SETD9: variants seen among roughly 807,000 people sequenced by gnomAD.
SETD9 encodes SET domain-containing protein 9.
Under a neutral mutation model 36.4 loss-of-function variants are expected in SETD9, and 37 were observed. The observed-to-expected ratio is 1.02, with a 90% CI of 0.78 to 1.34. The LOEUF is 1.34. SETD9 is among the 40% of genes most tolerant of loss of function. The probability of loss-of-function intolerance (pLI) is 0.00; values close to 1 mark genes in which losing one functional copy is unlikely to be tolerated. For missense variants in SETD9, 323 were observed against 353.2 expected, an observed-to-expected ratio of 0.91 and a Z score of 0.69; for synonymous variants, 128 against 132.9, an observed-to-expected ratio of 0.96 and a Z score of 0.26.
upstream of SETD9, chr5:56,909,425 C>T: frequency 2.3e-6 from 1 of 440,870 alleles, no homozygotes; most frequent in South Asian, 4.7e-5. Context: ...GTCAAGGGGA[C>T]CTCCTTCCAG....
At chr5:56,923,398 A>G in intron 5 of SETD9, 1 of 1,614,186 alleles carries the variant, frequency 6.2e-7, no homozygotes. Flanking sequence ...GCTCCGAGTG[A>G]TAAAATCCAG....
intron 1 of SETD9, chr5:56,910,405 CCGGCG>C: frequency 7.7e-7 from 1 of 1,303,670 alleles, no homozygotes; most frequent in African/African-American, 1.5e-5. Flanking sequence ...GTGAGTCCCG[CCGGCG>C]TTATTAAGGG....
intron 1 of SETD9, chr5:56,910,409 C>T: frequency 7.7e-7 from 1 of 1,303,404 alleles, no homozygotes; most frequent in Middle Eastern, 2.1e-4. Flanking sequence ...GTCCCGCCGG[C>T]GTTATTAAGG....
intron 5 of SETD9, among the ~76,000 whole-genome samples, chr5:56,915,991 T>A (rs1345125967): frequency 6.6e-6 from 1 of 151,556 alleles, no homozygotes; most frequent in African/African-American, 2.4e-5. Context: ...AACCAAAAAC[T>A]TGATAACTTT....
At chr5:56,911,690 A>G in intron 2 of SETD9, 154 bp downstream of exon 2, 1 of 779,686 alleles carries the variant, frequency 1.3e-6, no homozygotes, top group Non-Finnish European at 1.9e-6. Context: ...TCGGAAATTA[A>G]CTGTTTGTAA....
exon 6 of SETD9, chr5:56,925,380 C>T (rs976606768): frequency 2.9e-5 from 13 of 451,806 alleles, no homozygotes; most frequent in African/African-American, 1.6e-4. Flanking sequence ...AACAAAAAAT[C>T]GCCTGTAACT....
chr5:56,927,979 T>C (rs1013237438), downstream of SETD9: 9 of 152,198 alleles, frequency 5.9e-5, no homozygotes, highest in African/African-American at 1.9e-4. Flanking sequence ...ATAGAGTCTT[T>C]TCAGATTGGC....
At chr5:56,925,387 A>T in exon 6 of SETD9, 1 of 452,116 alleles carries the variant, frequency 2.2e-6, no homozygotes, top group South Asian at 1.6e-5. Flanking sequence ...AATCGCCTGT[A>T]ACTAATAAGC....
At position 56,917,262 on chromosome 5, in the gene SETD9, T is replaced by C. The variant is rs1749477282; in HGVS notation, c.*360T>C. 5.8e-6 allele frequency: 6 copies of C among 1,033,152 alleles called. No homozygotes were observed. The highest frequency in any genetic ancestry group is 2.1e-4 in the East Asian group (2 of 9,438). 64.0% of individuals were successfully genotyped at this position (1,033,152 alleles called of 1,614,324 possible). ...TGTAGCCAGGCATCAGCAGTTCTTG[T>C]AGTACTGCTGATGTGTACAAACTTC... On this transcript the variant is annotated 3_prime_UTR_variant, in exon 6 of 6. Coordinates refer to ENST00000285947, the MANE Select transcript of SETD9 (RefSeq NM_153706.4).
At chr5:56,926,008 TC>T (rs1360461344), downstream of SETD9, among the ~76,000 whole-genome samples, 2 of 151,982 alleles carry the variant, frequency 1.3e-5, no homozygotes, top group Non-Finnish European at 2.9e-5. Flanking sequence ...GAATGTCTTT[TC>T]CACAAATGAT....
At chr5:56,927,576 AGTTTTT>A (rs748285006), downstream of SETD9, among the ~76,000 whole-genome samples, 107 of 152,326 alleles carry the variant, frequency 7.0e-4, no homozygotes, top group Non-Finnish European at 1.1e-3. Flanking sequence ...AATAGACTTT[AGTTTTT>A]AAGAGTAGTT....
chr5:56,910,672 G>A (rs996805538), intron 1 of SETD9: 2 of 257,916 alleles, frequency 7.8e-6, no homozygotes, highest in African/African-American at 4.7e-5. Context: ...GAAGACGTTA[G>A]TCGTCCTGGA....
At chr5:56,910,654 C>A in intron 1 of SETD9, 1 of 258,916 alleles carries the variant, frequency 3.9e-6, no homozygotes, top group African/African-American at 2.3e-5. Flanking sequence ...ATAAGAGGTG[C>A]AGTCATTGAA....
chr5:56,919,404 G>C (rs992873004), downstream of SETD9, among the ~76,000 whole-genome samples: 1 of 151,756 alleles, frequency 6.6e-6, no homozygotes, highest in Non-Finnish European at 1.5e-5. Flanking sequence ...GATTACAGGG[G>C]GACTTTTATT....
chr5:56,911,626 G>C, intron 2 of SETD9, 90 bp downstream of exon 2: 1 of 1,324,076 alleles, frequency 7.6e-7, no homozygotes, highest in African/African-American at 1.5e-5. Flanking sequence ...GCAATCCTTA[G>C]AGTAAGGGAT....
chr5:56,922,079 A>G (rs533885142), downstream of SETD9: 3 of 152,658 alleles, frequency 2.0e-5, no homozygotes, highest in African/African-American at 7.2e-5. Flanking sequence ...AAGCTTAAAT[A>G]TACTTCAAGG....
intron 5 of SETD9, chr5:56,923,182 A>G: frequency 6.2e-7 from 1 of 1,614,022 alleles, no homozygotes; most frequent in Non-Finnish European, 8.5e-7. Context: ...TGATGAAACC[A>G]TTGGTCTCGT....
downstream of SETD9, among the ~76,000 whole-genome samples, chr5:56,927,060 T>C (rs956181302): frequency 6.6e-6 from 1 of 151,996 alleles, no homozygotes; most frequent in East Asian, 1.9e-4. Context: ...AATAAAAAGA[T>C]CAATGGCTGC....
At chr5:56,911,678 A>T in intron 2 of SETD9, 142 bp downstream of exon 2, 1 of 884,214 alleles carries the variant, frequency 1.1e-6, no homozygotes, top group Non-Finnish European at 1.6e-6. Context: ...TGCAATTCTA[A>T]TTCGGAAATT....
Sources: gnomAD v4.1 joint callset for allele counts (sites outside exome capture counted in the v4.1 genomes callset) on GRCh38, gnomAD v4.1.1 for gene constraint, MANE v1.5 for transcripts, NCBI Gene and HGNC (gene_info 2026-07-23, HGNC 2026-07-21) for gene names.